ZNF429: variants seen among roughly 807,000 people sequenced by gnomAD.
ZNF429 encodes the protein zinc finger protein 429.
A neutral mutation model predicts 56.8 loss-of-function variants in ZNF429; 53 were observed. The ratio of observed to expected loss-of-function variants is 0.93; its 90% CI spans 0.75 to 1.17. The LOEUF is 1.17. Among genes scored for constraint, ZNF429 ranks in the 50% most tolerant of loss-of-function variants. The pLI is 0.00. For missense variants in ZNF429, 849 were observed against 788.4 expected (o/e 1.08, Z -0.92); for synonymous variants, 278 against 264.7 (o/e 1.05, Z -0.49).
At chr19:21,531,277 C>A in intron 3 of ZNF429, among the ~76,000 whole-genome samples, 1 of 152,010 alleles carries the variant, frequency 6.6e-6, no homozygotes, top group Non-Finnish European at 1.5e-5. Context: ...AGTACAGACC[C>A]CGCAGCCTTG....
At position 21,536,559 on chromosome 19, in the gene ZNF429, G is replaced by A. The variant is rs533340228; in HGVS notation, c.506G>A (p.Gly169Glu). 3.1e-6 allele frequency: 5 copies of A among 1,613,604 alleles called. No homozygotes were observed. The highest frequency in any genetic ancestry group is 4.2e-6 in the Non-Finnish European group (5 of 1,179,860). ...GATAGATACAAGACAAGACATACTG[G>A]AAAGAAACCTTTCCAGTGTAAAAAA... The part of the protein sequence containing the change: ...NADRYKTRHT[G>E]KKPFQCKKCG... Residue 169 changes from glycine (G) to glutamate (E), a missense_variant, in exon 4 of 4, where the codon GGA (glycine) becomes GAA (glutamate). Physicochemically the swap from Gly to Glu is moderately conservative, Grantham distance 98. Transcript: ENST00000358491.
chr19:21,536,385 T>C lies in ZNF429; in HGVS notation c.332T>C (p.Leu111Ser). Residue 111 changes from leucine to serine, a missense_variant, in exon 4 of 4, where the codon TTA becomes TCA. By Grantham distance (145) the Leu-to-Ser change is moderately radical. Transcript: ENST00000358491. ...TATGATAAACGTGGACATGAGAACT[T>C]ACAATTAAGAAAAGGCTATAAAACT... is the stretch of plus-strand genomic sequence containing the variant. The part of the protein sequence containing the change: ...RRYDKRGHEN[L>S]QLRKGYKTVG... 2 of 1,613,936 alleles carry C rather than the reference T, an allele frequency of 1.2e-6. No individual in the cohort carries two copies. Among genetic ancestry groups the C allele is most frequent in the Non-Finnish European group, 1.7e-6 (2 of 1,179,920 alleles).
intron 1 of ZNF429, among the ~76,000 whole-genome samples, chr19:21,522,621 T>C (rs1455198834): frequency 1.3e-5 from 2 of 152,146 alleles, no homozygotes; most frequent in Non-Finnish European, 2.9e-5. Context: ...GCAAAGTGCA[T>C]GCTGTCACTG....
intron 1 of ZNF429, among the ~76,000 whole-genome samples, chr19:21,525,053 A>C (rs2033115152): frequency 6.6e-6 from 1 of 152,138 alleles, no homozygotes; most frequent in Admixed American, 6.6e-5. Context: ...CAACTGGATA[A>C]ATGGTTGAAT....
At chr19:21,508,063 G>A (rs902268243) in intron 1 of ZNF429, among the ~76,000 whole-genome samples, 8 of 152,094 alleles carry the variant, frequency 5.3e-5, no homozygotes, top group Non-Finnish European at 7.4e-5. Flanking sequence ...GACCAGCCTA[G>A]CTAACATGAT....
chr19:21,534,956 T>C, intron 3 of ZNF429, among the ~76,000 whole-genome samples: 6 of 150,616 alleles, frequency 4.0e-5, no homozygotes, highest in Admixed American at 6.6e-5. Flanking sequence ...ACTACAGGCA[T>C]CCACCACCAC....
At chr19:21,517,842 G>C (rs2032821894) in intron 1 of ZNF429, among the ~76,000 whole-genome samples, 1 of 147,614 alleles carries the variant, frequency 6.8e-6, no homozygotes, top group Non-Finnish European at 1.5e-5. Context: ...CACCCAGGCT[G>C]GAGTACAGTG....
chr19:21,529,821 C>G, intron 2 of ZNF429, 37 bp downstream of exon 2: 1 of 1,293,080 alleles, frequency 7.7e-7, no homozygotes, highest in Non-Finnish European at 1.1e-6. Flanking sequence ...CTAATATACC[C>G]TAAATGTTTC....
Position 21,537,630 on chromosome 19 carries a change from A to T in ZNF429, c.1577A>T (p.Gln526Leu), listed in dbSNP as rs771622608. The change falls in exon 4 of 4, where the codon CAA (glutamine) becomes CTA (leucine). Residue 526 changes from glutamine (Q) to leucine (L), a missense_variant. Gln to Leu is a moderately radical substitution (Grantham distance 113, BLOSUM62 -2). Coordinates refer to ENST00000358491, the MANE Select transcript of ZNF429 (RefSeq NM_001001415.4). The stretch of plus-strand genomic sequence containing the variant: ...TTTATCCTGTCCTCAAGACTTACTC[A>T]ACATAAGAAAATTCATACTGGAGAG... ...KAFILSSRLT[Q>L]HKKIHTGEKP... 3.1e-6 allele frequency: 5 copies of T among 1,612,410 alleles called. No individual in the cohort carries two copies. The highest frequency in any genetic ancestry group is 4.2e-6 in the Non-Finnish European group (5 of 1,179,520).
Position 21,536,778 on chromosome 19 carries a change from C to T in ZNF429, c.725C>T (p.Ser242Leu). ...TGTGGCAAAGCATTTAACCACTACT[C>T]AACCCTTACTAACCATAAGAGAATT... ...EECGKAFNHY[S>L]TLTNHKRIHT... The change falls in exon 4 of 4, where the codon TCA becomes TTA. Residue 242 changes from serine to leucine, a missense_variant. Ser to Leu is a moderately radical substitution (Grantham distance 145, BLOSUM62 -2). Transcript: ENST00000358491. 1 of 1,613,902 alleles carries T rather than the reference C, an allele frequency of 6.2e-7. No individual in the cohort carries two copies. The highest frequency in any genetic ancestry group is 8.5e-7 in the Non-Finnish European group (1 of 1,179,970).
intron 3 of ZNF429, among the ~76,000 whole-genome samples, chr19:21,534,981 TTG>T: frequency 8.9e-6 from 1 of 112,402 alleles, no homozygotes; most frequent in Non-Finnish European, 1.8e-5. Flanking sequence ...GGCTAATTTT[TTG>T]TGTTTTTTCT....
chr19:21,516,912 T>A (rs1414402307), intron 1 of ZNF429, among the ~76,000 whole-genome samples: 1 of 152,190 alleles, frequency 6.6e-6, no homozygotes, highest in Admixed American at 6.5e-5. Context: ...CTTTCCTCTC[T>A]TCCTGTTGGG....
In ZNF429 at chr19:21,535,461, TTTCTTTC is replaced by T; in HGVS notation, c.227-816_227-810del. Reference sequence around the variant, plus strand: ...CTTTCTTTCTTTCTTTCTTTCTTTCTTTCTTTCTTTCTTTCTTTCTTTCTTTCTTTCT... The same window carrying T: ...CTTTCTTTCTTTCTTTCTTTCTTTCTTTTCTTTCTTTCTTTCTTTCTTTCT... On this transcript the variant is annotated intron_variant, in intron 3 of 3. Transcript: ENST00000358491. 1.3e-3 allele frequency among the ~76,000 whole-genome samples: 109 copies of T among 84,070 alleles called. 6 individuals are homozygous for T. Among genetic ancestry groups the T allele is most frequent in the Non-Finnish European group, 1.5e-3 (60 of 41,144 alleles). 55.2% of individuals were successfully genotyped at this position (84,070 alleles called of 152,430 possible).
chr19:21,536,446 T>C lies in ZNF429; in HGVS notation c.393T>C (p.Asn131=). ...GDCKLYKGGY[N]GLNQCLTLTQ... is the part of the protein sequence containing the mutation. ...GTAAGCTATACAAAGGAGGTTATAA[T>C]GGACTTAACCAATGTTTGACACTTA... Residue 131 remains asparagine (N), a synonymous_variant, in exon 4 of 4, where the codon AAT becomes AAC. Coordinates refer to ENST00000358491, the MANE Select transcript of ZNF429 (RefSeq NM_001001415.4). 2 of 1,613,690 alleles carry C rather than the reference T, an allele frequency of 1.2e-6. No individual in the cohort carries two copies. The highest frequency in any genetic ancestry group is 1.1e-5 in the South Asian group (1 of 91,050).
In ZNF429 at chr19:21,535,499, C is replaced by T; in HGVS notation, c.227-781C>T. On this transcript the variant is annotated intron_variant, in intron 3 of 3. Coordinates refer to ENST00000358491, the MANE Select transcript of ZNF429 (RefSeq NM_001001415.4). ...TTCTTTCTTTCTTTCTTTCTTTCTT[C>T]TTTCTTTCTTTCTTTCCTTCTTTTT... 4.7e-3 allele frequency among the ~76,000 whole-genome samples: 306 copies of T among 64,834 alleles called. 6 individuals are homozygous for T. Among genetic ancestry groups the T allele is most frequent in the African/African-American group, 0.019 (285 of 15,220 alleles). 42.5% of individuals were successfully genotyped at this position (64,834 alleles called of 152,430 possible). A position where few individuals can be genotyped will look rare whatever the true frequency, so the allele number is the denominator to read the frequency against.
intron 1 of ZNF429, among the ~76,000 whole-genome samples, chr19:21,509,543 G>A (rs1186507268): frequency 1.3e-5 from 2 of 152,216 alleles, no homozygotes; most frequent in African/African-American, 2.4e-5. Flanking sequence ...GCCTGCAAAA[G>A]AAGGTTATTT....
chr19:21,536,190 T>C, intron 3 of ZNF429, 90 bp from the exon 4 acceptor site: 1 of 1,329,866 alleles, frequency 7.5e-7, no homozygotes, highest in Non-Finnish European at 1.0e-6. Flanking sequence ...GTTGCTTACG[T>C]AGTTTTTATA....
chr19:21,536,216 T>C, intron 3 of ZNF429, 64 bp from the exon 4 acceptor site: 1 of 1,465,884 alleles, frequency 6.8e-7, no homozygotes, highest in Non-Finnish European at 9.1e-7. Flanking sequence ...AGAGGTTTTG[T>C]TTGTGACGTA....
Position 21,511,576 on chromosome 19 carries a change from G to A in ZNF429, c.3+5802G>A, listed in dbSNP as rs935874186. On this transcript the variant is annotated intron_variant, in intron 1 of 3. Coordinates refer to ENST00000358491, the MANE Select transcript of ZNF429 (RefSeq NM_001001415.4). ...GATGGGATGGCGGCTGGACAGAGAC[G>A]CTCCTCACTTTCCAGACTGGGCAGC... Among the ~76,000 whole-genome samples, 5 of 149,922 alleles carry A rather than the reference G, an allele frequency of 3.3e-5. No individual in the cohort carries two copies. In the South Asian group the frequency reaches 8.5e-4, roughly 25 times the overall value.
Sources: gnomAD v4.1 joint callset for allele counts (sites outside exome capture counted in the v4.1 genomes callset) on GRCh38, gnomAD v4.1.1 for gene constraint, MANE v1.5 for transcripts, NCBI Gene and HGNC (gene_info 2026-07-23, HGNC 2026-07-21) for gene names.